ASXL1: variants seen among roughly 807,000 people sequenced by gnomAD.
ASXL1 encodes the protein ASXL transcriptional regulator 1.
A neutral mutation model predicts 89.1 loss-of-function variants in ASXL1; 65 were observed. The observed-to-expected ratio is 0.73, with a 90% CI of 0.60 to 0.90. The LOEUF is 0.90. Among genes scored for constraint, ASXL1 ranks in the 40% least tolerant of loss-of-function variants. The pLI is 0.00. For synonymous variants in ASXL1, 739 were observed against 746.9 expected (o/e 0.99, Z 0.17); for missense variants, 1,786 against 1,942.9 (o/e 0.92, Z 1.52).
rs71187113 is a variant in ASXL1, at chr20:32,379,161, C to CTTTTTTTTTTTTTTTTTTTTTTTT, written c.252+10056_252+10079dup. On this transcript the variant is annotated intron_variant, in intron 4 of 12. Coordinates refer to ENST00000375687, the MANE Select transcript of ASXL1 (RefSeq NM_015338.6). Reference sequence around the variant, plus strand: ...ACTCACTGTCAGGTATAACTTCAGTCTTTTTTTTTTTTTTTTTTTTTTTTT... The same window carrying CTTTTTTTTTTTTTTTTTTTTTTTT: ...ACTCACTGTCAGGTATAACTTCAGTCTTTTTTTTTTTTTTTTTTTTTTTTTTTTTTTTTTTTTTTTTTTTTTTTT... 3.2e-5 allele frequency among the ~76,000 whole-genome samples: 2 copies of CTTTTTTTTTTTTTTTTTTTTTTTT among 61,760 alleles called. 1 individual carries two copies. The highest frequency in any genetic ancestry group is 5.5e-5 in the Non-Finnish European group (2 of 36,164). 40.5% of individuals were successfully genotyped at this position (61,760 alleles called of 152,430 possible). A position where few individuals can be genotyped will look rare whatever the true frequency, so the allele number is the denominator to read the frequency against.
intron 4 of ASXL1, among the ~76,000 whole-genome samples, chr20:32,385,876 A>T (rs1016342276): frequency 5.3e-5 from 8 of 152,200 alleles, no homozygotes; most frequent in African/African-American, 1.9e-4. Context: ...TTGTTTGGCC[A>T]CACTGCCCTT....
chr20:32,373,638 G>C (rs575914482), intron 4 of ASXL1, among the ~76,000 whole-genome samples: 15 of 152,134 alleles, frequency 9.9e-5, no homozygotes, highest in African/African-American at 2.9e-4. Flanking sequence ...AGGTTGCGGT[G>C]GGTGGATCAC....
intron 4 of ASXL1, among the ~76,000 whole-genome samples, chr20:32,413,933 G>C (rs2123121750): frequency 6.6e-6 from 1 of 152,298 alleles, no homozygotes; most frequent in Non-Finnish European, 1.5e-5. Flanking sequence ...GAGGTAAATT[G>C]AGGCCTTACA....
chr20:32,382,344 C>G (rs913970791), intron 4 of ASXL1, among the ~76,000 whole-genome samples: 14 of 152,146 alleles, frequency 9.2e-5, no homozygotes, highest in Non-Finnish European at 1.8e-4. Flanking sequence ...ATAAACCTTT[C>G]TCAGGGTGTG....
Position 32,424,904 on chromosome 20 carries a change from G to A in ASXL1, c.253-3224G>A, listed in dbSNP as rs182906688. ...ACCCTGTAACTGCCACTTAGATCAC[G>A]ACATCAAATATGGCCAGCAGCCAGG... On this transcript the variant is annotated intron_variant, in intron 4 of 12. Coordinates refer to ENST00000375687, the MANE Select transcript of ASXL1 (RefSeq NM_015338.6). 3.9e-5 allele frequency among the ~76,000 whole-genome samples: 6 copies of A among 152,234 alleles called. No homozygotes were observed. In the East Asian group the frequency reaches 1.2e-3, roughly 29 times the overall value.
intron 4 of ASXL1, among the ~76,000 whole-genome samples, chr20:32,388,668 T>C (rs1045873351): frequency 6.6e-6 from 1 of 152,224 alleles, no homozygotes; most frequent in Non-Finnish European, 1.5e-5. Flanking sequence ...TGAGAATTTT[T>C]GCATCTGTAT....
At position 32,392,099 on chromosome 20, in the gene ASXL1, A is replaced by C. The variant is rs1555904899; in HGVS notation, c.252+22976A>C. On this transcript the variant is annotated intron_variant, in intron 4 of 12. Coordinates refer to ENST00000375687, the MANE Select transcript of ASXL1 (RefSeq NM_015338.6). ...TTATTGATATGGTTGGGTTAAGTCC[A>C]CCATCTAGCTATTTGTTATTTATTT... Among the ~76,000 whole-genome samples, 3 of 151,680 alleles carry C rather than the reference A, an allele frequency of 2.0e-5. No individual in the cohort carries two copies. The South Asian group carries it at 6.2e-4, about 32-fold the overall frequency.
At chr20:32,377,367 G>C (rs1569253961) in intron 4 of ASXL1, among the ~76,000 whole-genome samples, 3 of 151,600 alleles carry the variant, frequency 2.0e-5, no homozygotes, top group African/African-American at 4.8e-5. Context: ...GGAAACATTT[G>C]TGTGGACTTA....
chr20:32,396,869 G>T (rs184721624), intron 4 of ASXL1, among the ~76,000 whole-genome samples: 7 of 151,968 alleles, frequency 4.6e-5, no homozygotes, highest in Admixed American at 1.3e-4. Context: ...TGTTCATTTT[G>T]AAATAACTCT....
chr20:32,436,008 C>G lies in ASXL1; in HGVS notation c.3296C>G (p.Ser1099Cys). ...GCCGTGTGCCTGTCCATGCCTGGGTCCTCAGTGGAGGCCACTAACCCACTT... is the reference window on the plus strand; with the variant it reads ...GCCGTGTGCCTGTCCATGCCTGGGTGCTCAGTGGAGGCCACTAACCCACTT... ...PRAVCLSMPG[S>C]SVEATNPLVM... Residue 1099 changes from serine (S) to cysteine (C), a missense_variant, in exon 13 of 13, where the codon TCC (serine) becomes TGC (cysteine). Around this residue, in one of 3 missense-constraint regions of ASXL1, gnomAD observed 1,418 missense variants for 1,427.8 expected, o/e 0.99. Transcript: ENST00000375687. 19 of 1,614,158 alleles carry G rather than the reference C, an allele frequency of 1.2e-5. No individual in the cohort carries two copies. Among genetic ancestry groups the G allele is most frequent in the Admixed American group, 1.7e-5 (1 of 60,028 alleles).
intron 4 of ASXL1, among the ~76,000 whole-genome samples, chr20:32,384,710 T>A (rs1189319963): frequency 6.6e-6 from 1 of 152,160 alleles, no homozygotes. Flanking sequence ...CCTTTTGTCC[T>A]TCTACCTCCT....
chr20:32,423,947 G>GT (rs766137976), intron 4 of ASXL1, among the ~76,000 whole-genome samples: 19 of 152,144 alleles, frequency 1.2e-4, no homozygotes, highest in Non-Finnish European at 1.8e-4. Context: ...ACTCTTAAAA[G>GT]TTTTGTTTTC....
intron 4 of ASXL1, among the ~76,000 whole-genome samples, chr20:32,407,050 T>G (rs1271956246): frequency 6.6e-6 from 1 of 152,016 alleles, no homozygotes; most frequent in Non-Finnish European, 1.5e-5. Flanking sequence ...TTTATAGAAT[T>G]GAAATATATA....
chr20:32,396,381 G>A (rs2048762273), intron 4 of ASXL1, among the ~76,000 whole-genome samples: 1 of 152,204 alleles, frequency 6.6e-6, no homozygotes, highest in Non-Finnish European at 1.5e-5. Flanking sequence ...GTGCAGATGA[G>A]TTAGCTGGAA....
chr20:32,397,250 C>CATTT (rs2048783623), intron 4 of ASXL1, among the ~76,000 whole-genome samples: 1 of 6,980 alleles, frequency 1.4e-4, no homozygotes, highest in East Asian at 6.7e-3. Flanking sequence ...CCATGCCTGG[C>CATTT]TTTTTTTTTT....
At chr20:32,415,965 A>C (rs2049131373) in intron 4 of ASXL1, among the ~76,000 whole-genome samples, 4 of 152,202 alleles carry the variant, frequency 2.6e-5, no homozygotes, top group African/African-American at 9.6e-5. Context: ...CAAACCCTTA[A>C]TAAATGGAGA....
chr20:32,408,682 C>T (rs1048168117), intron 4 of ASXL1, among the ~76,000 whole-genome samples: 3 of 152,036 alleles, frequency 2.0e-5, no homozygotes, highest in Non-Finnish European at 4.4e-5. Flanking sequence ...GCTCCCAAGG[C>T]GCTGGGATTA....
chr20:32,432,553 G>A lies in ASXL1; in HGVS notation c.980-327G>A, dbSNP rs1444482297. Reference sequence around the variant, plus strand: ...CCTCCTGAAATCTAAGTTCCCAGATGTCAGCCAAGGGCTGTTCTTTTAAGT... The same window carrying A: ...CCTCCTGAAATCTAAGTTCCCAGATATCAGCCAAGGGCTGTTCTTTTAAGT... On this transcript the variant is annotated intron_variant, in intron 10 of 12. Coordinates refer to ENST00000375687, the MANE Select transcript of ASXL1 (RefSeq NM_015338.6). 4 of 337,086 alleles carry A rather than the reference G, an allele frequency of 1.2e-5. No homozygotes were observed. The Admixed American group carries it at 1.7e-4, about 14-fold the overall frequency. The allele number at this position is 337,086 out of a possible 1,614,324, so 20.9% of individuals were successfully genotyped here.
At chr20:32,366,826 G>A (rs963243490) in intron 2 of ASXL1, among the ~76,000 whole-genome samples, 1 of 152,030 alleles carries the variant, frequency 6.6e-6, no homozygotes, top group Non-Finnish European at 1.5e-5. Flanking sequence ...TCTCTATGCC[G>A]TATCACTGAA....
Sources: allele counts gnomAD v4.1 joint callset (sites outside exome capture counted in the v4.1 genomes callset), GRCh38; gene constraint gnomAD v4.1.1; regional missense constraint gnomAD v4.1.1; transcripts MANE v1.5; gene names NCBI Gene and HGNC (gene_info 2026-07-23, HGNC 2026-07-21).